The following KAZN variants were observed in gnomAD, a reference collection of about 807,000 sequenced individuals.
KAZN encodes kazrin, periplakin interacting protein.
Under a neutral mutation model 87.4 loss-of-function variants are expected in KAZN, and 40 were observed. The ratio of observed to expected loss-of-function variants is 0.46; its 90% confidence interval spans 0.36 to 0.60. The LOEUF is 0.60. Ranked by LOEUF, KAZN falls within the 20% of genes least tolerant of loss-of-function variation. The pLI, the probability that KAZN is intolerant of heterozygous loss-of-function variation, is 0.00. For missense variants in KAZN, 898 were observed against 1,073.9 expected (o/e 0.84, Z 2.29); for synonymous variants, 466 against 458.3 (o/e 1.02, Z -0.22).
At chr1:14,917,773 A>C (rs1657967423) in intron 1 of KAZN, among the ~76,000 whole-genome samples, 1 of 152,078 alleles carries the variant, frequency 6.6e-6, no homozygotes, top group Non-Finnish European at 1.5e-5. Flanking sequence ...GACCCCAATG[A>C]TCCTGCCTCC....
At chr1:14,909,507 C>A (rs1013632258) in intron 1 of KAZN, among the ~76,000 whole-genome samples, 4 of 152,206 alleles carry the variant, frequency 2.6e-5, no homozygotes. Context: ...GTTACTGCCT[C>A]CAGAGTTAGG....
intron 2 of KAZN, among the ~76,000 whole-genome samples, chr1:14,415,367 G>A (rs1420525213): frequency 1.3e-5 from 2 of 152,142 alleles, no homozygotes; most frequent in African/African-American, 2.4e-5. Flanking sequence ...ATATTTTGGA[G>A]GTAAAATTGA....
intron 1 of KAZN, among the ~76,000 whole-genome samples, chr1:14,885,012 G>A (rs1279301679): frequency 6.6e-6 from 1 of 152,210 alleles, no homozygotes; most frequent in East Asian, 1.9e-4. Flanking sequence ...GTCCACCAGG[G>A]AAAGGAGGAC....
intron 2 of KAZN, among the ~76,000 whole-genome samples, chr1:14,477,214 A>T (rs1362734833): frequency 6.6e-6 from 1 of 151,870 alleles, no homozygotes; most frequent in Non-Finnish European, 1.5e-5. Flanking sequence ...GATGGTTTTT[A>T]AAATGGGAGT....
chr1:14,708,468 CA>C, intron 1 of KAZN, among the ~76,000 whole-genome samples: 1 of 152,346 alleles, frequency 6.6e-6, no homozygotes, highest in Non-Finnish European at 1.5e-5. Flanking sequence ...GATACGGGGG[CA>C]ATATTAGGAT....
chr1:14,022,485 C>CAAAAAAAAA lies in KAZN; in HGVS notation c.91+128750_91+128758dup, dbSNP rs58713618. 4.2e-4 allele frequency among the ~76,000 whole-genome samples: 46 copies of CAAAAAAAAA among 110,480 alleles called. 1 individual carries two copies. The highest frequency in any genetic ancestry group is 1.8e-3 in the East Asian group (5 of 2,768). 72.5% of individuals were successfully genotyped at this position (110,480 alleles called of 152,430 possible). A position where few individuals can be genotyped will look rare whatever the true frequency, so the allele number is the denominator to read the frequency against. Reference sequence around the variant, plus strand: ...CATTATAGCTTTCACGTATTTAAAGCAAAAAAAAAAAAAAAAAAAAAAAAA... The same window carrying CAAAAAAAAA: ...CATTATAGCTTTCACGTATTTAAAGCAAAAAAAAAAAAAAAAAAAAAAAAAAAAAAAAAA... On this transcript the variant is annotated intron_variant, in intron 1 of 16. Transcript: ENST00000636203.
chr1:14,746,939 T>A (rs562841374), intron 1 of KAZN, among the ~76,000 whole-genome samples: 5 of 152,336 alleles, frequency 3.3e-5, no homozygotes, highest in African/African-American at 1.2e-4. Context: ...ATTACCACTA[T>A]CTACTTCTCA....
intron 1 of KAZN, among the ~76,000 whole-genome samples, chr1:14,026,256 C>T (rs960539876): frequency 2.6e-5 from 4 of 152,028 alleles, no homozygotes; most frequent in Non-Finnish European, 2.9e-5. Context: ...TGATAACTCC[C>T]GAGGGCTGGC....
At chr1:14,505,676 AGAT>A (rs1670544033) in intron 2 of KAZN, among the ~76,000 whole-genome samples, 1 of 152,130 alleles carries the variant, frequency 6.6e-6, no homozygotes, top group African/African-American at 2.4e-5. Flanking sequence ...TTTCAGTTTG[AGAT>A]GATGAAAAAG....
At chr1:14,083,646 A>G (rs1401323192) in intron 1 of KAZN, among the ~76,000 whole-genome samples, 6 of 152,222 alleles carry the variant, frequency 3.9e-5, no homozygotes, top group Non-Finnish European at 8.8e-5. Context: ...CATTAGAAAG[A>G]CTTAGATCTG....
intron 8 of KAZN, chr1:15,068,276 T>C (rs1639352600): frequency 5.7e-6 from 1 of 175,226 alleles, no homozygotes; most frequent in Non-Finnish European, 1.1e-5. Flanking sequence ...GGAGGGGGGA[T>C]GGGAGGGGCC....
At chr1:13,954,349 A>G (rs1641464243) in intron 1 of KAZN, among the ~76,000 whole-genome samples, 1 of 152,186 alleles carries the variant, frequency 6.6e-6, no homozygotes, top group Non-Finnish European at 1.5e-5. Context: ...AATTAAAACC[A>G]CACTTGCTTT....
chr1:14,196,809 CT>C (rs899330648), intron 2 of KAZN, among the ~76,000 whole-genome samples: 1 of 151,922 alleles, frequency 6.6e-6, no homozygotes, highest in Non-Finnish European at 1.5e-5. Context: ...GGACTGAGCC[CT>C]GGGAAAGACT....
intron 2 of KAZN, among the ~76,000 whole-genome samples, chr1:14,208,132 C>T (rs184122685): frequency 6.6e-6 from 1 of 152,254 alleles, no homozygotes; most frequent in East Asian, 1.9e-4. Flanking sequence ...TGATTTAACA[C>T]CAAAGCAAAG....
At chr1:14,472,974 C>T (rs1456849243) in intron 2 of KAZN, among the ~76,000 whole-genome samples, 1 of 152,006 alleles carries the variant, frequency 6.6e-6, no homozygotes. Context: ...TTAGTATGTT[C>T]CAGAGATAAA....
Position 14,945,125 on chromosome 1 carries a change from C to A in KAZN, c.227-15559C>A, listed in dbSNP as rs76958673. Among the ~76,000 whole-genome samples the A allele has an allele frequency of 2.7e-4, 41 of 152,340 alleles. 1 individual carries two copies. The East Asian group carries it at 7.9e-3, about 29-fold the overall frequency. On this transcript the variant is annotated intron_variant, in intron 1 of 14. Transcript: ENST00000376030. ...TAGTTTCCCCATCTGTCAAGTAGGA[C>A]TGAAACTACCCCTGAGGTCTCTGGG... is the stretch of plus-strand genomic sequence containing the variant.
chr1:14,261,754 CACTCGAGCTGCA>C (rs1651033849), intron 2 of KAZN, among the ~76,000 whole-genome samples: 1 of 152,192 alleles, frequency 6.6e-6, no homozygotes, highest in African/African-American at 2.4e-5. Context: ...TTTCCTGTGA[CACTCGAGCTGCA>C]GCTTAAACGA....
At chr1:14,838,653 T>C (rs61375985) in intron 1 of KAZN, among the ~76,000 whole-genome samples, 31,193 of 152,074 alleles carry the variant, frequency 0.21, 4,040 homozygotes, top group African/African-American at 0.37. Flanking sequence ...CAGAGTCTCA[T>C]TCTGTCACCC....
chr1:14,330,756 G>T (rs568358790), intron 2 of KAZN, among the ~76,000 whole-genome samples: 1 of 152,122 alleles, frequency 6.6e-6, no homozygotes, highest in Non-Finnish European at 1.5e-5. Context: ...GCATGAATGC[G>T]TGGGGGGTTG....
Sources: allele counts gnomAD v4.1 joint callset (sites outside exome capture counted in the v4.1 genomes callset), GRCh38; gene constraint gnomAD v4.1.1; transcripts MANE v1.5; gene names NCBI Gene and HGNC (gene_info 2026-07-23, HGNC 2026-07-21).